Variants in DNAJC1 observed in about 807,000 individuals in gnomAD.
DNAJC1 encodes DnaJ heat shock protein family (Hsp40) member C1.
Under a neutral mutation model 76.6 loss-of-function variants are expected in DNAJC1, and 58 were observed. The ratio of observed to expected loss-of-function variants is 0.76; its 90% CI spans 0.61 to 0.94. The LOEUF is 0.94. DNAJC1 is among the 40% of genes least tolerant of loss of function. The pLI is 0.00. For synonymous variants in DNAJC1, 258 were observed against 267.9 expected, an observed-to-expected ratio of 0.96 and a Z score of 0.36; for missense variants, 689 against 677.3, an observed-to-expected ratio of 1.02 and a Z score of -0.19.
At chr10:21,961,587 A>C (rs1289968218) in intron 1 of DNAJC1, among the ~76,000 whole-genome samples, 1 of 152,132 alleles carries the variant, frequency 6.6e-6, no homozygotes, top group African/African-American at 2.4e-5. Context: ...GAAGGGGAAA[A>C]GGGTGGTTAT....
intron 1 of DNAJC1, among the ~76,000 whole-genome samples, chr10:21,958,864 G>A (rs1837738815): frequency 1.3e-5 from 2 of 152,128 alleles, no homozygotes; most frequent in African/African-American, 4.8e-5. Flanking sequence ...CTTTCTAAAA[G>A]TTATTAACAT....
chr10:21,992,297 C>T (rs759927946), intron 1 of DNAJC1, among the ~76,000 whole-genome samples: 10 of 152,126 alleles, frequency 6.6e-5, no homozygotes, highest in South Asian at 2.1e-4. Flanking sequence ...GGCGACAGAA[C>T]GAGACTCTGT....
chr10:21,805,838 AT>A, intron 9 of DNAJC1, 141 bp downstream of exon 9: 2 of 1,035,240 alleles, frequency 1.9e-6, no homozygotes, highest in South Asian at 3.4e-5. Flanking sequence ...CACTTATTGC[AT>A]TAATGGTTCA....
chr10:21,995,565 T>G (rs1838402570), intron 1 of DNAJC1, among the ~76,000 whole-genome samples: 1 of 152,238 alleles, frequency 6.6e-6, no homozygotes, highest in Non-Finnish European at 1.5e-5. Context: ...GATCTTAGAT[T>G]ATTAGCTTTA....
chr10:21,927,665 T>C (rs1219006378), intron 3 of DNAJC1, among the ~76,000 whole-genome samples: 1 of 152,206 alleles, frequency 6.6e-6, no homozygotes, highest in Non-Finnish European at 1.5e-5. Flanking sequence ...GTGTTTAACA[T>C]GCAATAAGAA....
At chr10:21,988,654 A>G (rs1459879696) in intron 1 of DNAJC1, among the ~76,000 whole-genome samples, 1 of 152,194 alleles carries the variant, frequency 6.6e-6, no homozygotes, top group Non-Finnish European at 1.5e-5. Flanking sequence ...AACAGTCTTT[A>G]GTGAGGGTTA....
chr10:21,805,903 C>G, intron 9 of DNAJC1, 77 bp downstream of exon 9: 13 of 1,567,294 alleles, frequency 8.3e-6, no homozygotes, highest in South Asian at 1.1e-5. Flanking sequence ...ACTGTGGAAC[C>G]CATCTATGTC....
intron 7 of DNAJC1, among the ~76,000 whole-genome samples, chr10:21,882,947 C>T (rs1836306099): frequency 6.6e-6 from 1 of 152,034 alleles, no homozygotes. Flanking sequence ...CCATTGGGCT[C>T]TTTATTAAAT....
chr10:21,865,705 CTAGTT>C (rs1835986893), intron 8 of DNAJC1: 1 of 151,898 alleles, frequency 6.6e-6, no homozygotes, highest in Non-Finnish European at 1.5e-5. Context: ...TTAAATATGT[CTAGTT>C]TATTTTTATA....
intron 6 of DNAJC1, among the ~76,000 whole-genome samples, chr10:21,914,210 C>T (rs1393300085): frequency 6.6e-6 from 1 of 152,104 alleles, no homozygotes; most frequent in Non-Finnish European, 1.5e-5. Context: ...TTAATATTAT[C>T]AAATATTTAA....
intron 9 of DNAJC1, among the ~76,000 whole-genome samples, chr10:21,798,310 C>G (rs1012901360): frequency 6.6e-6 from 1 of 152,202 alleles, no homozygotes; most frequent in Admixed American, 6.5e-5. Flanking sequence ...ACAGTCAGAA[C>G]AATGCTTTTA....
chr10:21,850,468 CAG>C (rs931560909), intron 8 of DNAJC1, among the ~76,000 whole-genome samples: 2 of 150,344 alleles, frequency 1.3e-5, no homozygotes, highest in African/African-American at 4.9e-5. Context: ...TTAAAGGAGA[CAG>C]AAATAAATGG....
At chr10:21,989,978 T>A (rs1455206920) in intron 1 of DNAJC1, among the ~76,000 whole-genome samples, 1 of 152,244 alleles carries the variant, frequency 6.6e-6, no homozygotes, top group Non-Finnish European at 1.5e-5. Context: ...ACTTCACAGT[T>A]TAACCACCTA....
At chr10:21,773,119 G>A (rs1313316520) in intron 9 of DNAJC1, among the ~76,000 whole-genome samples, 3 of 152,182 alleles carry the variant, frequency 2.0e-5, no homozygotes, top group African/African-American at 4.8e-5. Context: ...AATTGGTGGA[G>A]ACACAGATCC....
chr10:21,980,554 T>G (rs1046879494), intron 1 of DNAJC1, among the ~76,000 whole-genome samples: 8 of 152,106 alleles, frequency 5.3e-5, no homozygotes, highest in South Asian at 2.1e-4. Context: ...AGAGTGGACA[T>G]AAATGAGATA....
At chr10:21,993,207 A>G (rs1344673589) in intron 1 of DNAJC1, among the ~76,000 whole-genome samples, 1 of 152,216 alleles carries the variant, frequency 6.6e-6, no homozygotes, top group East Asian at 1.9e-4. Context: ...TATTTACTAT[A>G]CACACATAAG....
chr10:21,963,486 G>A (rs1401520164), intron 1 of DNAJC1, among the ~76,000 whole-genome samples: 1 of 152,210 alleles, frequency 6.6e-6, no homozygotes, highest in African/African-American at 2.4e-5. Flanking sequence ...GAATAAAGCT[G>A]AAGGTTTGAA....
intron 9 of DNAJC1, among the ~76,000 whole-genome samples, chr10:21,791,135 A>C (rs979638764): frequency 6.6e-6 from 1 of 152,216 alleles, no homozygotes; most frequent in Non-Finnish European, 1.5e-5. Context: ...GAGACAAAAA[A>C]GGTCATTATA....
intron 1 of DNAJC1, among the ~76,000 whole-genome samples, chr10:21,968,145 T>A (rs1395916089): frequency 6.6e-6 from 1 of 152,234 alleles, no homozygotes. Context: ...TATTTACATT[T>A]ATCAGTATCT....
Sources: allele counts gnomAD v4.1 joint callset (sites outside exome capture counted in the v4.1 genomes callset), GRCh38; gene constraint gnomAD v4.1.1; transcripts MANE v1.5; gene names NCBI Gene and HGNC (gene_info 2026-07-23, HGNC 2026-07-21).